The following CSTPP1 variants were observed in gnomAD, a reference collection of about 807,000 sequenced individuals.
CSTPP1 encodes centriolar satellite-associated tubulin polyglutamylase complex regulator 1, also known as UPF0705 protein C11orf49.
chr11:47,009,325 A>G, the CSTPP1 span, among the ~76,000 whole-genome samples: 3 of 152,342 alleles, frequency 2.0e-5, no homozygotes, highest in South Asian at 4.1e-4. Flanking sequence ...TAAAACTTGC[A>G]TTCTGATGGA....
the CSTPP1 span, chr11:47,162,152 A>C: frequency 1.0e-6 from 1 of 985,782 alleles, no homozygotes; most frequent in Non-Finnish European, 1.2e-6. Context: ...CCAGAAGATG[A>C]TTTCACTTGC....
the CSTPP1 span, among the ~76,000 whole-genome samples, chr11:47,099,347 C>A: frequency 0.014 from 2,191 of 152,210 alleles, 52 homozygotes; most frequent in African/African-American, 0.05. Flanking sequence ...CCCATTTAGT[C>A]CCTGGCACAA....
chr11:46,981,753 GT>G, the CSTPP1 span, among the ~76,000 whole-genome samples: 6 of 151,782 alleles, frequency 4.0e-5, no homozygotes, highest in Admixed American at 3.3e-4. Context: ...AACCTCTCTA[GT>G]TTTTAAAAAA....
At chr11:47,154,234 G>A in the CSTPP1 span, among the ~76,000 whole-genome samples, 1 of 152,194 alleles carries the variant, frequency 6.6e-6, no homozygotes, top group African/African-American at 2.4e-5. Flanking sequence ...ACCGCGCCTG[G>A]CCAAAAACAA....
the CSTPP1 span, among the ~76,000 whole-genome samples, chr11:47,125,712 A>G: frequency 6.6e-5 from 10 of 152,134 alleles, no homozygotes; most frequent in African/African-American, 2.4e-4. Flanking sequence ...CCTGATTTTA[A>G]ATTGCAAAGA....
At chr11:47,013,178 CAT>C in the CSTPP1 span, among the ~76,000 whole-genome samples, 1 of 146,738 alleles carries the variant, frequency 6.8e-6, no homozygotes, top group Non-Finnish European at 1.5e-5. Context: ...TTATATATAA[CAT>C]ATATAACCAT....
chr11:47,070,986 A>G, the CSTPP1 span, among the ~76,000 whole-genome samples: 5 of 151,946 alleles, frequency 3.3e-5, no homozygotes, highest in Non-Finnish European at 7.4e-5. Flanking sequence ...CTTTCCCACC[A>G]TGTAGAACTT....
the CSTPP1 span, among the ~76,000 whole-genome samples, chr11:47,025,437 T>G: frequency 1.3e-5 from 2 of 152,194 alleles, no homozygotes; most frequent in Non-Finnish European, 2.9e-5. Context: ...TTTTATTATT[T>G]TGAATTATAA....
chr11:47,061,888 C>T, the CSTPP1 span, among the ~76,000 whole-genome samples: 3 of 152,118 alleles, frequency 2.0e-5, no homozygotes, highest in African/African-American at 7.2e-5. Flanking sequence ...TCTGTACCTC[C>T]AATAACTTTA....
At chr11:47,045,072 A>G in the CSTPP1 span, among the ~76,000 whole-genome samples, 3 of 152,246 alleles carry the variant, frequency 2.0e-5, no homozygotes, top group African/African-American at 7.2e-5. Flanking sequence ...AAGAATGATT[A>G]ACTCCAAAGG....
At chr11:47,134,860 C>T in the CSTPP1 span, among the ~76,000 whole-genome samples, 2 of 152,180 alleles carry the variant, frequency 1.3e-5, no homozygotes, top group Non-Finnish European at 2.9e-5. Flanking sequence ...AACAGCCAGG[C>T]TCATGCCTGT....
the CSTPP1 span, among the ~76,000 whole-genome samples, chr11:46,978,509 A>G: frequency 6.6e-6 from 1 of 152,228 alleles, no homozygotes. Flanking sequence ...TTTAGATGAT[A>G]TGTTAAGTGT....
At chr11:47,070,667 T>C in the CSTPP1 span, among the ~76,000 whole-genome samples, 10 of 152,150 alleles carry the variant, frequency 6.6e-5, no homozygotes, top group African/African-American at 2.4e-4. Context: ...TCTTTTTGGT[T>C]GGGACCCAGG....
chr11:47,067,320 A>G, the CSTPP1 span, among the ~76,000 whole-genome samples: 23 of 152,194 alleles, frequency 1.5e-4, no homozygotes, highest in Non-Finnish European at 2.9e-4. Context: ...AAATAAATGT[A>G]TATTATAACA....
chr11:46,996,531 TGACCTC>T, the CSTPP1 span, among the ~76,000 whole-genome samples: 1 of 152,146 alleles, frequency 6.6e-6, no homozygotes, highest in African/African-American at 2.4e-5. Flanking sequence ...CTCGATCTCC[TGACCTC>T]GTGATCCGCC....
chr11:47,005,929 C>T, the CSTPP1 span, among the ~76,000 whole-genome samples: 17 of 151,976 alleles, frequency 1.1e-4, no homozygotes, highest in African/African-American at 4.1e-4. Context: ...TTATTGAGTG[C>T]CTACGTCTTA....
the CSTPP1 span, among the ~76,000 whole-genome samples, chr11:47,058,735 A>C: frequency 1.3e-5 from 2 of 152,252 alleles, no homozygotes; most frequent in Non-Finnish European, 2.9e-5. Flanking sequence ...TAGAATGTTA[A>C]ATAACTTGCT....
the CSTPP1 span, chr11:47,157,228 G>C: frequency 4.5e-6 from 7 of 1,550,458 alleles, no homozygotes; most frequent in Non-Finnish European, 5.2e-6. Context: ...GGTGAGGAAC[G>C]GGCATGCAGC....
At chr11:47,101,444 T>G in the CSTPP1 span, among the ~76,000 whole-genome samples, 1 of 151,902 alleles carries the variant, frequency 6.6e-6, no homozygotes, top group East Asian at 1.9e-4. Context: ...TAAGATGTGG[T>G]TAGTTCCCAT....
Sources: allele counts gnomAD v4.1 joint callset (sites outside exome capture counted in the v4.1 genomes callset), GRCh38; gene constraint gnomAD v4.1.1; transcripts MANE v1.5; gene names NCBI Gene and HGNC (gene_info 2026-07-23, HGNC 2026-07-21).